The following LGALS9 variants were observed in gnomAD, a reference collection of about 807,000 sequenced individuals.
LGALS9 encodes galectin 9, also known as galectin-9.
In LGALS9, 26 loss-of-function variants were observed where a neutral mutation model predicts 35.9. That is an observed-to-expected ratio of 0.72 (90% CI 0.53 to 1.01). LGALS9 has a LOEUF of 1.01. Ranked by LOEUF, LGALS9 falls within the 50% of genes least tolerant of loss-of-function variation. LGALS9 has a pLI of 0.00. For missense variants in LGALS9, 347 were observed against 445.8 expected, an observed-to-expected ratio of 0.78 and a Z score of 1.99; for synonymous variants, 149 against 172.2, an observed-to-expected ratio of 0.87 and a Z score of 1.06.
chr17:27,645,842 C>T lies in LGALS9; in HGVS notation c.577-19C>T, dbSNP rs764137040. ...TTCACACGTGAGAGCCTGGGTGAGA[C>T]CTGGTTTCTTTCTTCCAGACCCAGA... On this transcript the variant is annotated intron_variant, in intron 6 of 10. Transcript: ENST00000395473. 7.5e-6 allele frequency: 12 copies of T among 1,595,878 alleles called. No individual in the cohort carries two copies. The South Asian group carries it at 1.2e-4, about 16-fold the overall frequency.
At chr17:27,640,219 C>T (rs547111432) in intron 2 of LGALS9, among the ~76,000 whole-genome samples, 23 of 152,360 alleles carry the variant, frequency 1.5e-4, no homozygotes, top group Non-Finnish European at 1.5e-4. Context: ...CAAGTGTCCA[C>T]TGGCACAGAA....
Position 27,647,340 on chromosome 17 carries a change from G to T in LGALS9, c.829G>T (p.Val277Leu), listed in dbSNP as rs905381603. The change falls in exon 10 of 11, where the codon GTG becomes TTG. Residue 277 changes from valine (V) to leucine (L), a missense_variant. Coordinates refer to ENST00000395473, the MANE Select transcript of LGALS9 (RefSeq NM_009587.3). ...GAACCCCCGTTTTGATGAGAATGCTGTGGTCCGCAACACCCAGATCGACAA... is the reference window on the plus strand; with the variant it reads ...GAACCCCCGTTTTGATGAGAATGCTTTGGTCCGCAACACCCAGATCGACAA... ...HLNPRFDENA[V>L]VRNTQIDNSW... 1 of 1,614,200 alleles carries T rather than the reference G, an allele frequency of 6.2e-7. No individual in the cohort carries two copies. Among genetic ancestry groups the T allele is most frequent in the Non-Finnish European group, 8.5e-7 (1 of 1,180,046 alleles).
At position 27,640,565 on chromosome 17, in the gene LGALS9, G is replaced by T. The variant is rs202140524; in HGVS notation, c.132-7G>T. On this transcript the variant is annotated splice_region_variant and splice_polypyrimidine_tract_variant and intron_variant, in intron 2 of 10. Transcript: ENST00000395473. ...CACAGAAGACTATTTGCTTTCCCTG[G>T]GCCTAGGTTTGCTGTGAACTTTCAG... 1.1e-5 allele frequency: 17 copies of T among 1,613,980 alleles called. No individual in the cohort carries two copies. Among genetic ancestry groups the T allele is most frequent in the Non-Finnish European group, 1.3e-5 (15 of 1,179,882 alleles).
chr17:27,640,967 G>T (rs941109888), intron 3 of LGALS9, 194 bp downstream of exon 3: 1 of 860,158 alleles, frequency 1.2e-6, no homozygotes, highest in African/African-American at 1.7e-5. Flanking sequence ...ATCTACAGGT[G>T]CACCTGCTGC....
intron 8 of LGALS9, 90 bp from the exon 9 acceptor site, chr17:27,646,940 C>A: frequency 1.9e-6 from 3 of 1,570,922 alleles, no homozygotes; most frequent in African/African-American, 2.7e-5. Flanking sequence ...ATATCATGGG[C>A]TTCTTCTCAG....
intron 1 of LGALS9, among the ~76,000 whole-genome samples, chr17:27,635,528 T>A (rs941282283): frequency 5.9e-5 from 9 of 152,054 alleles, no homozygotes; most frequent in African/African-American, 2.2e-4. Context: ...ATTTAAGATA[T>A]TTTGAAACCT....
rs144912342 is a variant in LGALS9, at chr17:27,649,300, C to T, written c.*318C>T. 5.1e-3 allele frequency: 2,200 copies of T among 435,278 alleles called. 37 individuals are homozygous for T. Among genetic ancestry groups the T allele is most frequent in the African/African-American group, 0.04 (1,990 of 50,026 alleles). The allele number at this position is 435,278 out of a possible 1,614,324, so 27.0% of individuals were successfully genotyped here. A position where few individuals can be genotyped will look rare whatever the true frequency, so the allele number is the denominator to read the frequency against. ...TGAAGCCCCATGCTCAGTCCCCTCC[C>T]ATCCCCCACGCAGCTCCACCCCAGT... is the stretch of plus-strand genomic sequence containing the variant. On this transcript the variant is annotated 3_prime_UTR_variant, in exon 11 of 11. Coordinates refer to ENST00000395473, the MANE Select transcript of LGALS9 (RefSeq NM_009587.3).
At chr17:27,643,446 G>T (rs544099944) in intron 4 of LGALS9, 79 bp from the exon 5 acceptor site, 1 of 1,593,410 alleles carries the variant, frequency 6.3e-7, no homozygotes, top group East Asian at 2.3e-5. Context: ...TCTCCCTCTT[G>T]CCCCTGCCTC....
Position 27,643,579 on chromosome 17 carries a change from C to T in LGALS9, c.499C>T (p.Pro167Ser), listed in dbSNP as rs747504001. 125 of 1,611,768 alleles carry T rather than the reference C, an allele frequency of 7.8e-5. No individual in the cohort carries two copies. The highest frequency in any genetic ancestry group is 6.3e-4 in the African/African-American group (47 of 74,970). The change falls in exon 5 of 11, where the codon CCT (proline) becomes TCT (serine). Residue 167 changes from proline (P) to serine (S), a missense_variant. Transcript: ENST00000395473. ...PAFSTVPFSQ[P>S]VCFPPRPRGR... ...CTTCTCCACGGTGCCGTTCTCCCAG[C>T]CTGTCTGTTTCCCACCCAGGCCCAG...
chr17:27,642,160 A>G (rs1904555270), intron 3 of LGALS9, 78 bp from the exon 4 acceptor site: 2 of 1,557,608 alleles, frequency 1.3e-6, no homozygotes, highest in Non-Finnish European at 1.7e-6. Flanking sequence ...TTTTCTAGAA[A>G]GAGGGTCCAG....
intron 7 of LGALS9, 29 bp from the exon 8 acceptor site, chr17:27,646,518 C>G (rs1259894348): frequency 1.2e-6 from 2 of 1,612,032 alleles, no homozygotes; most frequent in Non-Finnish European, 1.7e-6. Context: ...TGTGCTCTCC[C>G]ATTGAATTTC....
At chr17:27,646,818 G>A (rs1011248944) in intron 8 of LGALS9, among the ~76,000 whole-genome samples, 2 of 152,178 alleles carry the variant, frequency 1.3e-5, no homozygotes, top group Non-Finnish European at 2.9e-5. Flanking sequence ...TTCACCCCAC[G>A]AAACGAGTCT....
intron 2 of LGALS9, among the ~76,000 whole-genome samples, chr17:27,639,719 A>T (rs116951433): frequency 0.011 from 1,716 of 152,020 alleles, 18 homozygotes; most frequent in Middle Eastern, 0.021. Flanking sequence ...ACAGGAGTGC[A>T]CTATGATGCC....
chr17:27,647,126 A>G lies in LGALS9; in HGVS notation c.758+8A>G, dbSNP rs1304351369. ...CCTGCCCAGTGCTCAGAGGTAAGCC[A>G]AGGGCTCCAGTGACCTCTGGGAAGA... On this transcript the variant is annotated splice_region_variant and intron_variant, in intron 9 of 10. Transcript: ENST00000395473. 6.2e-7 allele frequency: 1 copy of G among 1,614,166 alleles called. No homozygotes were observed. The highest frequency in any genetic ancestry group is 8.5e-7 in the Non-Finnish European group (1 of 1,180,020).
intron 1 of LGALS9, among the ~76,000 whole-genome samples, chr17:27,635,323 C>T (rs2074436133): frequency 6.6e-6 from 1 of 151,928 alleles, no homozygotes; most frequent in Admixed American, 6.6e-5. Flanking sequence ...CTATTTTGTC[C>T]CAGCTATTCG....
chr17:27,640,515 G>A, intron 2 of LGALS9, 57 bp from the exon 3 acceptor site: 1 of 1,611,232 alleles, frequency 6.2e-7, no homozygotes, highest in Admixed American at 1.7e-5. Flanking sequence ...GCCCTCCTGT[G>A]CCTGTCACTG....
chr17:27,646,649 G>A, intron 8 of LGALS9, 61 bp downstream of exon 8: 1 of 1,611,032 alleles, frequency 6.2e-7, no homozygotes, highest in Non-Finnish European at 8.5e-7. Flanking sequence ...GGGGGTGAAG[G>A]GCCGCTGTGG....
Position 27,649,179 on chromosome 17 carries a change from C to A in LGALS9, c.*197C>A. The A allele has an allele frequency of 1.2e-6, 1 of 824,346 alleles. No individual in the cohort carries two copies. The highest frequency in any genetic ancestry group is 1.9e-6 in the Non-Finnish European group (1 of 527,908). 51.1% of individuals were successfully genotyped at this position (824,346 alleles called of 1,614,324 possible). A position where few individuals can be genotyped will look rare whatever the true frequency, so the allele number is the denominator to read the frequency against. ...AAGGCAGCTGACGGGGATTGCCTTC[C>A]TCAGCCGCAGCAGCACCTGGGGCTC... is the stretch of plus-strand genomic sequence containing the variant. On this transcript the variant is annotated 3_prime_UTR_variant, in exon 11 of 11. Coordinates refer to ENST00000395473, the MANE Select transcript of LGALS9 (RefSeq NM_009587.3).
intron 2 of LGALS9, chr17:27,638,784 A>G (rs1214343131): frequency 1.0e-5 from 3 of 297,510 alleles, no homozygotes; most frequent in Non-Finnish European, 2.0e-5. Context: ...TTTTGGTTTC[A>G]AGGCCTTTTC....
Sources: gnomAD v4.1 joint callset for allele counts (sites outside exome capture counted in the v4.1 genomes callset) on GRCh38, gnomAD v4.1.1 for gene constraint, MANE v1.5 for transcripts, NCBI Gene and HGNC (gene_info 2026-07-23, HGNC 2026-07-21) for gene names.